Variants in USP29 observed in about 807,000 individuals in gnomAD.
USP29 encodes the protein ubiquitin specific peptidase 29.
For synonymous variants in USP29, 386 were observed against 387.4 expected (o/e 1.00, Z 0.04); for missense variants, 1,102 against 1,069.0 (o/e 1.03, Z -0.43).
At chr19:57,125,785 G>A (rs896675438) in intron 3 of USP29, among the ~76,000 whole-genome samples, 4 of 152,066 alleles carry the variant, frequency 2.6e-5, no homozygotes, top group South Asian at 2.1e-4. Flanking sequence ...ATGTTGTTAC[G>A]TGTGAATTTG....
At chr19:57,123,572 C>T (rs1427175070) in intron 2 of USP29, among the ~76,000 whole-genome samples, 3 of 152,066 alleles carry the variant, frequency 2.0e-5, no homozygotes, top group Non-Finnish European at 4.4e-5. Context: ...GGCTTGGAAT[C>T]CTGGAAGTTG....
chr19:57,126,950 G>T (rs890636181), intron 3 of USP29, among the ~76,000 whole-genome samples: 12 of 152,146 alleles, frequency 7.9e-5, no homozygotes, highest in African/African-American at 2.7e-4. Context: ...TTGTGTGGGG[G>T]TCTTTTTTGT....
At position 57,131,363 on chromosome 19, in the gene USP29, G is replaced by T. The variant is rs750010155; in HGVS notation, c.2688G>T (p.Glu896Asp). 19 of 1,614,160 alleles carry T rather than the reference G, an allele frequency of 1.2e-5. No homozygotes were observed. The highest frequency in any genetic ancestry group is 1.5e-5 in the Non-Finnish European group (18 of 1,180,046). Residue 896 changes from glutamate (E) to aspartate (D), a missense_variant, in exon 4 of 4, where the codon GAG becomes GAT. Transcript: ENST00000254181. ...TTGAGGAGCTGTTAAGAAAAGCAGA[G>T]AACTCTCGGCTACCTAGCACACAGG... ...GIFEELLRKA[E>D]NSRLPSTQAG...
In USP29 at chr19:57,129,525, C is replaced by A. The variant is rs772836482; in HGVS notation, c.850C>A (p.Gln284Lys). The change falls in exon 4 of 4, where the codon CAG becomes AAG. Residue 284 changes from glutamine to lysine, a missense_variant. Coordinates refer to ENST00000254181, the MANE Select transcript of USP29 (RefSeq NM_020903.3). ...VPLDSHSQQLQQGFPNLGNTC... is the reference protein window; with the variant it reads ...VPLDSHSQQLKQGFPNLGNTC... ...TCTTGACTCTCATTCACAGCAACTG[C>A]AGCAGGGGTTCCCCAATTTGGGAAA... 6.2e-7 allele frequency: 1 copy of A among 1,614,224 alleles called. No homozygotes were observed. Among genetic ancestry groups the A allele is most frequent in the Non-Finnish European group, 8.5e-7 (1 of 1,180,042 alleles).
Position 57,131,403 on chromosome 19 carries a change from C to T in USP29, c.2728C>T (p.Gln910Ter), listed in dbSNP as rs372603553. ...LPSTQAGVIP[Q>*]GEYEGDSLYR... is the part of the protein sequence containing the mutation. ...TAGCACACAGGCAGGGGTGATCCCT[C>T]AGGGGGAATACGAAGGTGACTCTTT... is the stretch of plus-strand genomic sequence containing the variant. The change falls in exon 4 of 4, where the codon CAG (glutamine) becomes TAG (stop). Residue 910 changes from glutamine (Q) to a stop codon, truncating the protein, a stop_gained. Transcript: ENST00000254181. LOFTEE classifies it low-confidence loss of function (END_TRUNC). 1.9e-6 allele frequency: 3 copies of T among 1,613,790 alleles called. No homozygotes were observed. Among genetic ancestry groups the T allele is most frequent in the African/African-American group, 2.7e-5 (2 of 74,892 alleles).
At position 57,129,115 on chromosome 19, in the gene USP29, CTTTG is replaced by C; in HGVS notation, c.444_447del (p.Phe149CysfsTer8). On this transcript the variant is annotated frameshift_variant, in exon 4 of 4. Coordinates refer to ENST00000254181, the MANE Select transcript of USP29 (RefSeq NM_020903.3). LOFTEE classifies it low-confidence loss of function (END_TRUNC). ...AACAAGCCAAGTTATCAGAAGATGC[CTTTG>C]TTTATGTCAAAATCACCAACACATG... 6.2e-7 allele frequency: 1 copy of C among 1,612,884 alleles called. No individual in the cohort carries two copies. Among genetic ancestry groups the C allele is most frequent in the South Asian group, 1.1e-5 (1 of 90,650 alleles).
rs974691700 is a variant in USP29, at chr19:57,128,926, T to C, written c.251T>C (p.Ile84Thr). ...TTGAAAAACAACGTGTTCTTGTTTATTGACAAATTATCCTACAGAGATGCT... is the reference window on the plus strand; with the variant it reads ...TTGAAAAACAACGTGTTCTTGTTTACTGACAAATTATCCTACAGAGATGCT... ...LTLKNNVFLF[I>T]DKLSYRDAKQ... Residue 84 changes from isoleucine to threonine, a missense_variant, in exon 4 of 4, where the codon ATT (isoleucine) becomes ACT (threonine). By Grantham distance (89) the Ile-to-Thr change is moderately conservative (BLOSUM62 -1). Transcript: ENST00000254181. 1 of 1,613,876 alleles carries C rather than the reference T, an allele frequency of 6.2e-7. No homozygotes were observed. Among genetic ancestry groups the C allele is most frequent in the Admixed American group, 1.7e-5 (1 of 59,982 alleles).
At chr19:57,120,720 G>A (rs1599913571) in intron 1 of USP29, among the ~76,000 whole-genome samples, 3 of 140,928 alleles carry the variant, frequency 2.1e-5, no homozygotes, top group Non-Finnish European at 3.0e-5. Context: ...CCCAGAGGTG[G>A]AGGTTGCAGT....
At position 57,130,253 on chromosome 19, in the gene USP29, C is replaced by T. The variant is rs112352747; in HGVS notation, c.1578C>T (p.Asn526=). The change falls in exon 4 of 4, where the codon AAC becomes AAT. Residue 526 remains asparagine, a synonymous_variant. Coordinates refer to ENST00000254181, the MANE Select transcript of USP29 (RefSeq NM_020903.3). The stretch of plus-strand genomic sequence containing the variant: ...ATGCTTGGTTGCTGGTGAAGAATAA[C>T]GAGCAAGTTTATATTCCCAAATCTT... ...FNNAWLLVKN[N]EQVYIPKSLS... 1,856 of 1,614,128 alleles carry T rather than the reference C, an allele frequency of 1.1e-3. 2 individuals carry two copies. The highest frequency in any genetic ancestry group is 1.4e-3 in the Non-Finnish European group (1,679 of 1,180,022).
chr19:57,130,519 A>G lies in USP29; in HGVS notation c.1844A>G (p.Gln615Arg), dbSNP rs74511605. Reference protein sequence around the residue: ...RFQRDCGDASQEQHQRDLENG... With the variant: ...RFQRDCGDASREQHQRDLENG... ...CAGAGAGACTGTGGAGATGCAAGCC[A>G]AGAGCAGCATCAGAGAGACCTGGAA... is the stretch of plus-strand genomic sequence containing the variant. Residue 615 changes from glutamine (Q) to arginine (R), a missense_variant, in exon 4 of 4, where the codon CAA (glutamine) becomes CGA (arginine). Gln to Arg is a conservative substitution (Grantham distance 43). Transcript: ENST00000254181. 914 of 1,614,208 alleles carry G rather than the reference A, an allele frequency of 5.7e-4. 6 individuals carry two copies. In the African/African-American group the frequency reaches 0.011, roughly 19 times the overall value.
In USP29 at chr19:57,130,919, G is replaced by T; in HGVS notation, c.2244G>T (p.Gln748His). The change falls in exon 4 of 4, where the codon CAG becomes CAT. Residue 748 changes from glutamine to histidine, a missense_variant. Transcript: ENST00000254181. ...IEESIIDEFLQQAPPPGVRKL... is the reference protein window; with the variant it reads ...IEESIIDEFLHQAPPPGVRKL... The stretch of plus-strand genomic sequence containing the variant: ...AGAGCATCATAGATGAATTTCTTCA[G>T]CAGGCACCACCTCCAGGTGTTAGGA... 6.2e-7 allele frequency: 1 copy of T among 1,614,166 alleles called. No homozygotes were observed. The highest frequency in any genetic ancestry group is 1.7e-5 in the Admixed American group (1 of 60,020).
Position 57,129,134 on chromosome 19 carries a change from A to G in USP29, c.459A>G (p.Ser153=). ...AGATGCCTTTGTTTATGTCAAAATC[A>G]CCAACACATGTGAAAAAGGGGATAT... The part of the protein sequence containing the change: ...YQKMPLFMSK[S]PTHVKKGILE... The change falls in exon 4 of 4, where the codon TCA becomes TCG. Residue 153 remains serine, a synonymous_variant. Transcript: ENST00000254181. The G allele has an allele frequency of 6.2e-7, 1 of 1,613,608 alleles. No homozygotes were observed. Among genetic ancestry groups the G allele is most frequent in the Non-Finnish European group, 8.5e-7 (1 of 1,179,718 alleles).
intron 1 of USP29, among the ~76,000 whole-genome samples, chr19:57,121,855 T>G (rs1239020096): frequency 1.3e-5 from 2 of 151,866 alleles, no homozygotes; most frequent in Non-Finnish European, 2.9e-5. Flanking sequence ...GGCTCAAGCC[T>G]GTAATCCCAG....
At chr19:57,120,805 A>AAAAAAAAAAAG (rs1342984778) in intron 1 of USP29, among the ~76,000 whole-genome samples, 1 of 148,270 alleles carries the variant, frequency 6.7e-6, no homozygotes, top group Non-Finnish European at 1.5e-5. Context: ...AAAAAAAAAA[A>AAAAAAAAAAAG]AAAAAAAACA....
At chr19:57,121,628 A>G (rs2086797646) in intron 1 of USP29, among the ~76,000 whole-genome samples, 1 of 146,634 alleles carries the variant, frequency 6.8e-6, no homozygotes, top group African/African-American at 2.5e-5. Flanking sequence ...TATGTATGTT[A>G]TATATGCTTA....
Position 57,131,789 on chromosome 19 carries a change from GA to G in USP29, c.*346del, listed in dbSNP as rs2086863139. ...TCTAGACCAACTGATGCAGAAACAG[GA>G]GGTGTGAGCCAGCAATCAGATGGAG... On this transcript the variant is annotated 3_prime_UTR_variant, in exon 4 of 4. Coordinates refer to ENST00000254181, the MANE Select transcript of USP29 (RefSeq NM_020903.3). 4.2e-6 allele frequency: 1 copy of G among 236,506 alleles called. No individual in the cohort carries two copies. Among genetic ancestry groups the G allele is most frequent in the Admixed American group, 5.2e-5 (1 of 19,364 alleles). The allele number at this position is 236,506 out of a possible 1,614,324, so 14.7% of individuals were successfully genotyped here.
In USP29 at chr19:57,131,243, C is replaced by T; in HGVS notation, c.2568C>T (p.Tyr856=). 1 of 1,614,176 alleles carries T rather than the reference C, an allele frequency of 6.2e-7. No homozygotes were observed. The highest frequency in any genetic ancestry group is 8.5e-7 in the Non-Finnish European group (1 of 1,180,036). ...TTCAGAAGCAGGCCTGGTTCACATACAACGATCTATGTGTATCAGAAATCT... is the reference window on the plus strand; with the variant it reads ...TTCAGAAGCAGGCCTGGTTCACATATAACGATCTATGTGTATCAGAAATCT... ...YDFQKQAWFT[Y]NDLCVSEISE... is the part of the protein sequence containing the mutation. The change falls in exon 4 of 4, where the codon TAC becomes TAT. Residue 856 remains tyrosine, a synonymous_variant. Transcript: ENST00000254181.
intron 1 of USP29, among the ~76,000 whole-genome samples, chr19:57,120,615 T>C (rs902802944): frequency 1.3e-5 from 2 of 150,568 alleles, no homozygotes; most frequent in Non-Finnish European, 3.0e-5. Flanking sequence ...GGTGAAACCC[T>C]GTCTCTACTA....
Position 57,130,193 on chromosome 19 carries a change from C to G in USP29, c.1518C>G (p.Val506=), listed in dbSNP as rs752556174. Residue 506 remains valine, a synonymous_variant, in exon 4 of 4, where the codon GTC becomes GTG. Transcript: ENST00000254181. ...ARHTFSRLSR[V]LIIHLKRYSF... ...ATACATTTAGTAGGCTCTCCAGGGT[C>G]CTTATCATTCATCTGAAACGCTATA... 2 of 1,614,012 alleles carry G rather than the reference C, an allele frequency of 1.2e-6. No homozygotes were observed. Among genetic ancestry groups the G allele is most frequent in the Non-Finnish European group, 1.7e-6 (2 of 1,179,996 alleles).
Sources: allele counts gnomAD v4.1 joint callset (sites outside exome capture counted in the v4.1 genomes callset), GRCh38; gene constraint gnomAD v4.1.1; transcripts MANE v1.5; gene names NCBI Gene and HGNC (gene_info 2026-07-23, HGNC 2026-07-21).